SLCO6A1: variants seen among roughly 807,000 people sequenced by gnomAD.
SLCO6A1 encodes the protein solute carrier organic anion transporter family member 6A1.
SLCO6A1 carries 65 observed loss-of-function variants against 72.7 expected under a neutral mutation model. The observed-to-expected ratio is 0.89, with a 90% CI of 0.73 to 1.10. SLCO6A1 has a LOEUF of 1.10. Among genes scored for constraint, SLCO6A1 ranks in the 50% least tolerant of loss-of-function variants. The probability of loss-of-function intolerance (pLI) is 0.00; values close to 1 mark genes in which losing one functional copy is unlikely to be tolerated. For missense variants in SLCO6A1, 874 were observed against 872.6 expected (o/e 1.00, Z -0.02); for synonymous variants, 314 against 298.2 (o/e 1.05, Z -0.55).
chr5:102,389,173 G>A (rs1746591429), intron 11 of SLCO6A1, among the ~76,000 whole-genome samples: 1 of 152,188 alleles, frequency 6.6e-6, no homozygotes, highest in African/African-American at 2.4e-5. Flanking sequence ...ATTCTGTGAA[G>A]TTAGTATGTC....
At chr5:102,490,840 C>T (rs545205897) in intron 1 of SLCO6A1, among the ~76,000 whole-genome samples, 2 of 152,194 alleles carry the variant, frequency 1.3e-5, no homozygotes, top group South Asian at 2.1e-4. Flanking sequence ...GCAGTGTGGA[C>T]CCAAAGAGTG....
chr5:102,430,389 G>A (rs1403036544), intron 7 of SLCO6A1, among the ~76,000 whole-genome samples: 1 of 152,038 alleles, frequency 6.6e-6, no homozygotes, highest in East Asian at 1.9e-4. Flanking sequence ...TTTTCAAGGG[G>A]AATGCTTCCA....
intron 6 of SLCO6A1, among the ~76,000 whole-genome samples, chr5:102,445,785 T>A (rs1750077173): frequency 1.3e-5 from 2 of 152,212 alleles, no homozygotes; most frequent in South Asian, 4.1e-4. Context: ...ATTCCACATA[T>A]AGCTAGCCAG....
chr5:102,477,540 G>A (rs1580501528), intron 3 of SLCO6A1, 136 bp downstream of exon 3: 3 of 662,622 alleles, frequency 4.5e-6, no homozygotes, highest in Non-Finnish European at 7.3e-6. Context: ...TGATTTGGAG[G>A]TTTAGCATAC....
Position 102,398,514 on chromosome 5 carries a change from A to G in SLCO6A1, c.1814+1041T>C, listed in dbSNP as rs983506104. ...ATTCTAAGGGCTTTCCGTTTTCTCC[A>G]GGTTTTCCCCTCAGCTCCATCTTTC... On this transcript the variant is annotated intron_variant, in intron 10 of 13. Transcript: ENST00000506729. Among the ~76,000 whole-genome samples the G allele has an allele frequency of 2.0e-5, 3 of 152,094 alleles. No individual in the cohort carries two copies. The East Asian group carries it at 5.8e-4, about 29-fold the overall frequency.
At chr5:102,412,535 T>C (rs1748042546) in intron 9 of SLCO6A1, among the ~76,000 whole-genome samples, 1 of 152,044 alleles carries the variant, frequency 6.6e-6, no homozygotes, top group South Asian at 2.1e-4. Context: ...CCAAGGCAGG[T>C]GGATCACTTG....
At chr5:102,460,869 G>T (rs1750989329) in intron 4 of SLCO6A1, among the ~76,000 whole-genome samples, 1 of 69,998 alleles carries the variant, frequency 1.4e-5, no homozygotes, top group South Asian at 4.5e-4. Flanking sequence ...TCCTAGGGTT[G>T]CAGTCTTGAT....
intron 12 of SLCO6A1, among the ~76,000 whole-genome samples, chr5:102,380,131 T>A (rs1746029458): frequency 6.6e-6 from 1 of 152,028 alleles, no homozygotes; most frequent in African/African-American, 2.4e-5. Flanking sequence ...TGGGTGCTAA[T>A]TACAGGTGTG....
At chr5:102,474,769 T>C (rs957847342) in intron 4 of SLCO6A1, among the ~76,000 whole-genome samples, 1 of 151,890 alleles carries the variant, frequency 6.6e-6, no homozygotes, top group Non-Finnish European at 1.5e-5. Context: ...CTTGGATTGA[T>C]AAAAGAAGGT....
chr5:102,488,388 TA>T (rs1434934517), intron 1 of SLCO6A1, among the ~76,000 whole-genome samples: 1 of 152,234 alleles, frequency 6.6e-6, no homozygotes. Context: ...TGTTTTGTTA[TA>T]TTTTTCACGA....
intron 1 of SLCO6A1, among the ~76,000 whole-genome samples, chr5:102,485,043 G>C (rs1035624265): frequency 1.3e-5 from 2 of 152,034 alleles, no homozygotes; most frequent in Admixed American, 6.5e-5. Context: ...CCTGAGGTCA[G>C]GAGTTCGAGA....
intron 4 of SLCO6A1, among the ~76,000 whole-genome samples, chr5:102,466,074 T>C (rs916735425): frequency 5.3e-5 from 8 of 152,116 alleles, no homozygotes; most frequent in Non-Finnish European, 1.2e-4. Flanking sequence ...GGAGGTTTGT[T>C]AAATAAGTAA....
chr5:102,451,027 T>C (rs767775061), intron 6 of SLCO6A1, among the ~76,000 whole-genome samples: 6 of 152,110 alleles, frequency 3.9e-5, no homozygotes, highest in Non-Finnish European at 7.4e-5. Context: ...AGGGTTCAGG[T>C]TGGGGCAGGG....
rs190806075 is a variant in SLCO6A1, at chr5:102,443,060, A to G, written c.1132-4299T>C. ...AAAACACAAAAAATTAGCCGGGCGTAGTGGCAGGCACCTGTTGTCCCAGCT... is the reference window on the plus strand; with the variant it reads ...AAAACACAAAAAATTAGCCGGGCGTGGTGGCAGGCACCTGTTGTCCCAGCT... On this transcript the variant is annotated intron_variant, in intron 6 of 13. Coordinates refer to ENST00000506729, the MANE Select transcript of SLCO6A1 (RefSeq NM_173488.5). Among the ~76,000 whole-genome samples, 371 of 152,210 alleles carry G rather than the reference A, an allele frequency of 2.4e-3. 3 individuals carry two copies. The highest frequency in any genetic ancestry group is 4.0e-3 in the Non-Finnish European group (275 of 68,004).
At chr5:102,441,279 G>GA (rs1339251521) in intron 6 of SLCO6A1, among the ~76,000 whole-genome samples, 1 of 152,136 alleles carries the variant, frequency 6.6e-6, no homozygotes, top group Non-Finnish European at 1.5e-5. Flanking sequence ...ATAGGAGGTA[G>GA]AAATCCATGG....
intron 4 of SLCO6A1, among the ~76,000 whole-genome samples, chr5:102,466,613 T>C (rs112053685): frequency 1.3e-5 from 2 of 152,298 alleles, no homozygotes; most frequent in African/African-American, 4.8e-5. Context: ...TCTTCCACAA[T>C]GGTTGAACTA....
intron 1 of SLCO6A1, among the ~76,000 whole-genome samples, chr5:102,494,099 A>G (rs1475340913): frequency 6.6e-6 from 1 of 152,222 alleles, no homozygotes. Flanking sequence ...TTAGGAAAAT[A>G]GAACTGAATA....
At chr5:102,469,291 T>C (rs1308548105) in intron 4 of SLCO6A1, among the ~76,000 whole-genome samples, 1 of 152,196 alleles carries the variant, frequency 6.6e-6, no homozygotes, top group Non-Finnish European at 1.5e-5. Flanking sequence ...TTCCTATCCA[T>C]GAGCATGGAA....
At chr5:102,401,748 C>T (rs925299026) in intron 9 of SLCO6A1, among the ~76,000 whole-genome samples, 8 of 151,966 alleles carry the variant, frequency 5.3e-5, no homozygotes, top group African/African-American at 1.9e-4. Context: ...GGGAAAGAAC[C>T]AAGAAAATAA....
Sources: gnomAD v4.1 joint callset for allele counts (sites outside exome capture counted in the v4.1 genomes callset) on GRCh38, gnomAD v4.1.1 for gene constraint, MANE v1.5 for transcripts, NCBI Gene and HGNC (gene_info 2026-07-23, HGNC 2026-07-21) for gene names.